DIS3L2: variants seen among roughly 807,000 people sequenced by gnomAD.
DIS3L2 encodes the protein DIS3 like 3'-5' exoribonuclease 2, also known as DIS3-like exonuclease 2.
DIS3L2 carries 34 observed loss-of-function variants against 97.5 expected under a neutral mutation model. That is an observed-to-expected ratio of 0.35 (90% CI 0.27 to 0.46). The LOEUF (loss-of-function observed/expected upper bound fraction) is 0.46. Among genes scored for constraint, DIS3L2 ranks in the 20% least tolerant of loss-of-function variants. DIS3L2 has a pLI of 1.00. For missense variants in DIS3L2, 1,038 were observed against 1,146.0 expected, an observed-to-expected ratio of 0.91 and a Z score of 1.36; for synonymous variants, 435 against 445.2, an observed-to-expected ratio of 0.98 and a Z score of 0.29.
chr2:232,171,645 T>G (rs1690993867), intron 9 of DIS3L2, among the ~76,000 whole-genome samples: 1 of 152,196 alleles, frequency 6.6e-6, no homozygotes, highest in Non-Finnish European at 1.5e-5. Flanking sequence ...TTAAATTGTT[T>G]GGCATCAAAT....
At chr2:232,217,273 T>C (rs1253868006) in intron 10 of DIS3L2, among the ~76,000 whole-genome samples, 1 of 151,988 alleles carries the variant, frequency 6.6e-6, no homozygotes, top group African/African-American at 2.4e-5. Context: ...GCTGACGGAG[T>C]GGTGAAGGAG....
rs986333311 is a variant in DIS3L2 at position 232,268,928 on chromosome 2, A to G, written c.1659+5488A>G. ...ATTAGTACCATGCTTATCCAGTCCA[A>G]TGGGAGGTGGGGAGTAGAGGAATGA... On this transcript the variant is annotated intron_variant, in intron 13 of 20. Transcript: ENST00000325385. The surrounding 1 kb of genome is among the most constrained non-coding windows in gnomAD (Gnocchi z 4.1). Among the ~76,000 whole-genome samples the G allele has an allele frequency of 5.3e-5, 8 of 152,212 alleles. No individual in the cohort carries two copies. The highest frequency in any genetic ancestry group is 7.4e-5 in the Non-Finnish European group (5 of 68,022).
intron 14 of DIS3L2, among the ~76,000 whole-genome samples, chr2:232,324,970 C>T (rs1695534468): frequency 6.6e-6 from 1 of 152,242 alleles, no homozygotes; most frequent in Admixed American, 6.5e-5. Context: ...CAGACAGGAC[C>T]TTCCTGGCCA....
intron 1 of DIS3L2, among the ~76,000 whole-genome samples, chr2:231,975,129 G>T (rs930597614): frequency 6.6e-6 from 1 of 152,048 alleles, no homozygotes; most frequent in African/African-American, 2.4e-5. Context: ...AATCTCAGAT[G>T]GGACTTTTCA....
intron 1 of DIS3L2, among the ~76,000 whole-genome samples, chr2:231,987,523 A>G (rs1366816034): frequency 2.0e-5 from 3 of 152,210 alleles, no homozygotes; most frequent in Non-Finnish European, 2.9e-5. Flanking sequence ...GACAAGTTGA[A>G]CACTTGCTAG....
chr2:232,226,332 C>T lies in DIS3L2; in HGVS notation c.1205-12201C>T, dbSNP rs377461748. 2.8e-3 allele frequency among the ~76,000 whole-genome samples: 429 copies of T among 152,302 alleles called. 1 individual carries two copies. Among genetic ancestry groups the T allele is most frequent in the Non-Finnish European group, 4.7e-3 (317 of 68,022 alleles). ...TAGGTGAGCACATTGTTACTGGAGTCAGACAATGTTCTAATCCTGGCTTTG... is the reference window on the plus strand; with the variant it reads ...TAGGTGAGCACATTGTTACTGGAGTTAGACAATGTTCTAATCCTGGCTTTG... On this transcript the variant is annotated intron_variant, in intron 10 of 20. Coordinates refer to ENST00000325385, the MANE Select transcript of DIS3L2 (RefSeq NM_152383.5).
chr2:232,184,004 G>T (rs938265401), intron 9 of DIS3L2, among the ~76,000 whole-genome samples: 1 of 152,104 alleles, frequency 6.6e-6, no homozygotes, highest in Non-Finnish European at 1.5e-5. Flanking sequence ...CTGGAAAGGG[G>T]GATGTGGGAA....
At chr2:232,258,936 T>C (rs531818186) in intron 12 of DIS3L2, among the ~76,000 whole-genome samples, 2 of 152,258 alleles carry the variant, frequency 1.3e-5, no homozygotes, top group East Asian at 3.9e-4. Flanking sequence ...CTGCAGAAGA[T>C]GGTTTCAGGC....
chr2:232,069,534 C>G (rs192195658), intron 5 of DIS3L2, among the ~76,000 whole-genome samples: 1 of 152,288 alleles, frequency 6.6e-6, no homozygotes, highest in African/African-American at 2.4e-5. Flanking sequence ...TCCTCAGATA[C>G]AGGGATAATC....
intron 1 of DIS3L2, among the ~76,000 whole-genome samples, chr2:231,970,376 G>A (rs1035907492): frequency 6.6e-6 from 1 of 152,178 alleles, no homozygotes; most frequent in African/African-American, 2.4e-5. Context: ...CTCATAGAGT[G>A]TACTTTCACA....
At chr2:232,257,600 C>T (rs78933834) in intron 12 of DIS3L2, among the ~76,000 whole-genome samples, 11,057 of 152,140 alleles carry the variant, frequency 0.073, 459 homozygotes, top group African/African-American at 0.12. Context: ...ATTTTGCATA[C>T]GGAAGCCCGG....
At chr2:232,218,420 G>A (rs143116215) in intron 10 of DIS3L2, among the ~76,000 whole-genome samples, 14 of 152,130 alleles carry the variant, frequency 9.2e-5, no homozygotes, top group Non-Finnish European at 1.9e-4. Flanking sequence ...CTCAGCCTCC[G>A]AGGTGTGGGA....
intron 13 of DIS3L2, among the ~76,000 whole-genome samples, chr2:232,273,989 A>G (rs555656027): frequency 2.6e-5 from 4 of 152,330 alleles, no homozygotes; most frequent in African/African-American, 4.8e-5. Context: ...GATAATTCCC[A>G]TAAGACAGAG....
intron 9 of DIS3L2, among the ~76,000 whole-genome samples, chr2:232,196,298 C>A (rs1262980562): frequency 6.6e-6 from 1 of 152,112 alleles, no homozygotes; most frequent in Non-Finnish European, 1.5e-5. Context: ...TGTTATTATT[C>A]TTTATTTTCA....
At chr2:231,989,294 T>C (rs1693514048) in intron 1 of DIS3L2, among the ~76,000 whole-genome samples, 1 of 151,978 alleles carries the variant, frequency 6.6e-6, no homozygotes, top group Non-Finnish European at 1.5e-5. Context: ...ATTTTGCCAG[T>C]GTGACCTGTA....
At chr2:232,136,849 C>T in intron 8 of DIS3L2, 130 bp downstream of exon 8, 1 of 1,217,638 alleles carries the variant, frequency 8.2e-7, no homozygotes, top group Non-Finnish European at 1.1e-6. Context: ...GTATTTTGGT[C>T]CTGATTCTTC....
intron 6 of DIS3L2, among the ~76,000 whole-genome samples, chr2:232,092,689 T>C (rs983826923): frequency 3.9e-5 from 6 of 152,202 alleles, no homozygotes; most frequent in African/African-American, 1.4e-4. Context: ...TGCTTTCTTT[T>C]TCAGATTGTT....
At chr2:232,343,427 C>G in exon 14 of DIS3L2, 1 of 1,556,018 alleles carries the variant, frequency 6.4e-7, no homozygotes, top group Non-Finnish European at 8.7e-7. Flanking sequence ...CAGCCCTCCA[C>G]AGAGGAACGC....
At chr2:232,073,241 C>T (rs559223713) in intron 5 of DIS3L2, among the ~76,000 whole-genome samples, 112 of 152,260 alleles carry the variant, frequency 7.4e-4, no homozygotes, top group African/African-American at 2.6e-3. Context: ...TGAGTGCTGT[C>T]ATTTAAGCCT....
Sources: gnomAD v4.1 joint callset for allele counts (sites outside exome capture counted in the v4.1 genomes callset) on GRCh38, gnomAD v4.1.1 for gene constraint, Gnocchi (gnomAD v3.1) non-coding constraint, MANE v1.5 for transcripts, NCBI Gene and HGNC (gene_info 2026-07-23, HGNC 2026-07-21) for gene names.